Variants in SLC33A1 observed in about 807,000 individuals in gnomAD.
SLC33A1 encodes solute carrier family 33 member 1.
Under a neutral mutation model 50.0 loss-of-function variants are expected in SLC33A1, and 20 were observed. The observed-to-expected ratio is 0.40, with a 90% CI of 0.28 to 0.58. The LOEUF is 0.58. Ranked by LOEUF, SLC33A1 falls within the 20% of genes least tolerant of loss-of-function variation. The probability of loss-of-function intolerance (pLI) is 0.44; values close to 1 mark genes in which losing one functional copy is unlikely to be tolerated. For missense variants in SLC33A1, 476 were observed against 657.0 expected, an observed-to-expected ratio of 0.72 and a Z score of 3.01; for synonymous variants, 265 against 251.8, an observed-to-expected ratio of 1.05 and a Z score of -0.50.
chr3:155,843,101 T>G (rs1291166591), intron 1 of SLC33A1: 1 of 151,926 alleles, frequency 6.6e-6, no homozygotes, highest in African/African-American at 2.4e-5. Context: ...TCCTGACTCT[T>G]AAACGTAGAG....
rs926259201 is a variant in SLC33A1 at position 155,824,132 on chromosome 3, T to C, written c.*4078A>G. ...ATGTACAGTATCACCTTCCCTTCTG[T>C]AACCAAAATACTTATTAAATATATG... is the stretch of plus-strand genomic sequence containing the variant. On this transcript the variant is annotated 3_prime_UTR_variant, in exon 6 of 6. Coordinates refer to ENST00000643144, the MANE Select transcript of SLC33A1 (RefSeq NM_004733.4). The C allele has an allele frequency of 1.3e-5, 2 of 152,186 alleles. No homozygotes were observed. The highest frequency in any genetic ancestry group is 4.8e-5 in the African/African-American group (2 of 41,418). 9.4% of individuals were successfully genotyped at this position (152,186 alleles called of 1,614,324 possible).
rs747645212 is a variant in SLC33A1, at chr3:155,853,907, G to C, written c.91C>G (p.Pro31Ala). ...HSLDMKSGPL[P>A]PGGWDDSHLD... ...TGACTGTCATCCCAACCGCCTGGCGGCAGGGGACCGCTCTTCATATCCAGA... is the reference window on the plus strand; with the variant it reads ...TGACTGTCATCCCAACCGCCTGGCGCCAGGGGACCGCTCTTCATATCCAGA... Residue 31 changes from proline to alanine, a missense_variant, in exon 1 of 6, where the codon CCG (proline) becomes GCG (alanine). Physicochemically the swap from Pro to Ala is conservative, Grantham distance 27. Coordinates refer to ENST00000643144, the MANE Select transcript of SLC33A1 (RefSeq NM_004733.4). The C allele has an allele frequency of 6.5e-7, 1 of 1,544,334 alleles. No homozygotes were observed. Among genetic ancestry groups the C allele is most frequent in the African/African-American group, 1.4e-5 (1 of 72,360 alleles).
chr3:155,830,302 G>A (rs1349393705), intron 4 of SLC33A1, among the ~76,000 whole-genome samples: 3 of 151,974 alleles, frequency 2.0e-5, no homozygotes, highest in Admixed American at 1.3e-4. Flanking sequence ...GAACCCGGGA[G>A]GCGGAGCTTG....
intron 1 of SLC33A1, among the ~76,000 whole-genome samples, chr3:155,851,014 T>A (rs1418770512): frequency 6.6e-6 from 1 of 151,684 alleles, no homozygotes; most frequent in African/African-American, 2.4e-5. Flanking sequence ...GAGGCCGAGG[T>A]GGGCGGATCA....
intron 4 of SLC33A1, 32 bp from the exon 5 acceptor site, chr3:155,829,935 A>G (rs1204577332): frequency 7.4e-7 from 1 of 1,357,190 alleles, no homozygotes; most frequent in Admixed American, 1.7e-5. Flanking sequence ...CTTTAGTATG[A>G]TTATAAAGCT....
rs1752261200 is a variant in SLC33A1, at chr3:155,828,126, A to C, written c.*84T>G. The C allele has an allele frequency of 1.1e-6, 1 of 938,516 alleles. No individual in the cohort carries two copies. Among genetic ancestry groups the C allele is most frequent in the Admixed American group, 1.9e-5 (1 of 53,488 alleles). The allele number at this position is 938,516 out of a possible 1,614,324, so 58.1% of individuals were successfully genotyped here. On this transcript the variant is annotated 3_prime_UTR_variant, in exon 6 of 6. Coordinates refer to ENST00000643144, the MANE Select transcript of SLC33A1 (RefSeq NM_004733.4). ...ATTTCGCTGTTTAAAATAATATTTT[A>C]TACTCCTGTGCACTGATTATCATTG...
rs2108020411 is a variant in SLC33A1 at position 155,854,214 on chromosome 3, G to A, written c.-217C>T. Reference sequence around the variant, plus strand: ...TAGAGGCCCAGAGGATGCCTGGATAGGTGCCCCCTGGAACGGCGTCAAAGA... The same window carrying A: ...TAGAGGCCCAGAGGATGCCTGGATAAGTGCCCCCTGGAACGGCGTCAAAGA... On this transcript the variant is annotated 5_prime_UTR_variant, in exon 1 of 6. Transcript: ENST00000643144. 4.7e-6 allele frequency: 2 copies of A among 421,378 alleles called. No individual in the cohort carries two copies. Among genetic ancestry groups the A allele is most frequent in the East Asian group, 6.8e-5 (2 of 29,338 alleles). 26.1% of individuals were successfully genotyped at this position (421,378 alleles called of 1,614,324 possible).
chr3:155,847,100 T>C (rs1006201477), intron 1 of SLC33A1, among the ~76,000 whole-genome samples: 1 of 151,914 alleles, frequency 6.6e-6, no homozygotes, highest in Non-Finnish European at 1.5e-5. Context: ...CCCAGCTACT[T>C]GGGAATCTGA....
chr3:155,832,978 G>A (rs1293204385), intron 4 of SLC33A1, among the ~76,000 whole-genome samples: 4 of 151,788 alleles, frequency 2.6e-5, no homozygotes, highest in Non-Finnish European at 5.9e-5. Flanking sequence ...TCAGCCGGGC[G>A]CAGTGGCTTG....
Position 155,853,916 on chromosome 3 carries a change from C to A in SLC33A1, c.82G>T (p.Gly28Cys), listed in dbSNP as rs2108019220. ...NFSHSLDMKS[G>C]PLPPGGWDDS... ...TCCCAACCGCCTGGCGGCAGGGGAC[C>A]GCTCTTCATATCCAGAGAGTGACTG... Residue 28 changes from glycine (G) to cysteine (C), a missense_variant, in exon 1 of 6, where the codon GGT (glycine) becomes TGT (cysteine). Gly to Cys is a radical substitution (Grantham distance 159). Transcript: ENST00000643144. 1.3e-6 allele frequency: 2 copies of A among 1,542,940 alleles called. No individual in the cohort carries two copies. The highest frequency in any genetic ancestry group is 8.7e-7 in the Non-Finnish European group (1 of 1,148,858).
intron 4 of SLC33A1, among the ~76,000 whole-genome samples, chr3:155,832,370 C>A (rs1285473305): frequency 1.3e-5 from 2 of 151,290 alleles, no homozygotes; most frequent in African/African-American, 4.9e-5. Context: ...AAGAACAAAA[C>A]TCTGTCTCAA....
chr3:155,850,020 CTTTTT>C (rs1302747434), intron 1 of SLC33A1, among the ~76,000 whole-genome samples: 1 of 150,074 alleles, frequency 6.7e-6, no homozygotes, highest in Non-Finnish European at 1.5e-5. Context: ...TTGCTTTTTT[CTTTTT>C]TGAGATGGAG....
At chr3:155,833,337 C>T (rs776650429) in intron 4 of SLC33A1, 131 bp downstream of exon 4, 99 of 741,690 alleles carry the variant, frequency 1.3e-4, no homozygotes, top group Middle Eastern at 8.9e-4. Context: ...TAAAGCGCAC[C>T]ATCAATAATT....
intron 1 of SLC33A1, among the ~76,000 whole-genome samples, chr3:155,843,221 G>A (rs991648472): frequency 3.3e-5 from 5 of 152,046 alleles, no homozygotes; most frequent in Non-Finnish European, 7.4e-5. Flanking sequence ...CTTTATTCAA[G>A]GAAAGTGCTA....
chr3:155,852,438 T>C (rs1411128160), intron 1 of SLC33A1, among the ~76,000 whole-genome samples: 1 of 152,252 alleles, frequency 6.6e-6, no homozygotes, highest in Non-Finnish European at 1.5e-5. Context: ...TCTTTTCCCA[T>C]AGTAATTAAA....
chr3:155,846,633 A>G (rs1234930044), intron 1 of SLC33A1, among the ~76,000 whole-genome samples: 2 of 151,870 alleles, frequency 1.3e-5, no homozygotes, highest in Non-Finnish European at 2.9e-5. Flanking sequence ...TTGTATTTTT[A>G]GTAGAGACGG....
chr3:155,842,300 G>GA, intron 2 of SLC33A1, 132 bp downstream of exon 2: 1 of 618,484 alleles, frequency 1.6e-6, no homozygotes, highest in Non-Finnish European at 2.8e-6. Flanking sequence ...TTAATAAACA[G>GA]AAAATATTGT....
intron 1 of SLC33A1, among the ~76,000 whole-genome samples, chr3:155,846,643 G>A (rs1267230978): frequency 1.3e-5 from 2 of 151,688 alleles, no homozygotes; most frequent in Non-Finnish European, 2.9e-5. Flanking sequence ...AGTAGAGACG[G>A]GGTTTCTCCA....
rs1175354266 is a variant in SLC33A1 at position 155,823,898 on chromosome 3, G to C, written c.*4312C>G. 2 of 151,868 alleles carry C rather than the reference G, an allele frequency of 1.3e-5. No homozygotes were observed. Among genetic ancestry groups the C allele is most frequent in the African/African-American group, 2.4e-5 (1 of 41,366 alleles). The allele number at this position is 151,868 out of a possible 1,614,324, so 9.4% of individuals were successfully genotyped here. ...CTGGCTAATTTTTGTATTTTTAGTA[G>C]AGACGGCGTTTCACCATGTTGGCCA... On this transcript the variant is annotated 3_prime_UTR_variant, in exon 6 of 6. Transcript: ENST00000643144.
Sources: gnomAD v4.1 joint callset for allele counts (sites outside exome capture counted in the v4.1 genomes callset) on GRCh38, gnomAD v4.1.1 for gene constraint, MANE v1.5 for transcripts, NCBI Gene and HGNC (gene_info 2026-07-23, HGNC 2026-07-21) for gene names.